The following HACD2 variants were observed in gnomAD, a reference collection of about 807,000 sequenced individuals.
HACD2 encodes the protein 3-hydroxyacyl-CoA dehydratase 2.
A neutral mutation model predicts 31.0 loss-of-function variants in HACD2; 15 were observed. The ratio of observed to expected loss-of-function variants is 0.48; its 90% CI spans 0.32 to 0.75. The LOEUF is 0.75. Among genes scored for constraint, HACD2 ranks in the 30% least tolerant of loss-of-function variants. The pLI is 0.03. For synonymous variants in HACD2, 115 were observed against 122.2 expected, an observed-to-expected ratio of 0.94 and a Z score of 0.39; for missense variants, 283 against 313.0, an observed-to-expected ratio of 0.90 and a Z score of 0.72.
intron 6 of HACD2, chr3:123,499,560 C>T (rs999217534): frequency 2.3e-6 from 1 of 442,978 alleles, no homozygotes; most frequent in African/African-American, 2.0e-5. Flanking sequence ...CACAGAGGGA[C>T]ACAAGCATGT....
Position 123,584,931 on chromosome 3 carries a change from CCTT to C in HACD2, c.94_96del (p.Lys32del), listed in dbSNP as rs1455448289. 33 of 1,530,158 alleles carry C rather than the reference CCTT, an allele frequency of 2.2e-5. No individual in the cohort carries two copies. The highest frequency in any genetic ancestry group is 2.9e-5 in the African/African-American group (2 of 70,018). The allele number at this position is 1,530,158 out of a possible 1,614,324, so 94.8% of individuals were successfully genotyped here. ...TACGCCGTGGCCAGGGGCCCCGGGC[CCTT>C]CTTCTTCCGCGTGCCGCTGGCGTCC... On this transcript the variant is annotated inframe_deletion, in exon 1 of 7. Transcript: ENST00000383657.
chr3:123,538,264 C>A (rs1270418317), intron 3 of HACD2, among the ~76,000 whole-genome samples: 1 of 152,110 alleles, frequency 6.6e-6, no homozygotes, highest in Non-Finnish European at 1.5e-5. Flanking sequence ...TGGGTTCCGA[C>A]AAAAGAAATT....
At chr3:123,502,503 G>A (rs1178961932) in intron 5 of HACD2, 57 bp downstream of exon 5, 2 of 1,567,546 alleles carry the variant, frequency 1.3e-6, no homozygotes, top group East Asian at 4.5e-5. Context: ...GGCAATAAAG[G>A]GCAAATTCAA....
intron 4 of HACD2, among the ~76,000 whole-genome samples, chr3:123,514,915 T>C (rs1410493734): frequency 1.3e-5 from 2 of 152,220 alleles, no homozygotes; most frequent in Non-Finnish European, 2.9e-5. Context: ...ATAAAGAACA[T>C]ATTCAGTTCT....
chr3:123,572,878 T>C (rs1007771817), intron 2 of HACD2, among the ~76,000 whole-genome samples: 1 of 152,038 alleles, frequency 6.6e-6, no homozygotes, highest in African/African-American at 2.4e-5. Flanking sequence ...GTCTTTCAAT[T>C]CAAAATTCCA....
chr3:123,582,387 G>T, intron 1 of HACD2, 58 bp from the exon 2 acceptor site: 1 of 1,197,650 alleles, frequency 8.3e-7, no homozygotes, highest in Non-Finnish European at 1.2e-6. Flanking sequence ...GTAGCATTTA[G>T]GTTAACACAC....
At position 123,584,970 on chromosome 3, in the gene HACD2, C is replaced by G. The variant is rs770404869; in HGVS notation, c.58G>C (p.Ala20Pro). Reference protein sequence around the residue: ...AKGNGGGGGRAGAGDASGTRK... With the variant: ...AKGNGGGGGRPGAGDASGTRK... ...GTGCCGCTGGCGTCCCCGGCCCCGG[C>G]CCTGCCACCGCCGCCCCCATTCCCC... The change falls in exon 1 of 7, where the codon GCC (alanine) becomes CCC (proline). Residue 20 changes from alanine (A) to proline (P), a missense_variant. Transcript: ENST00000383657. The G allele has an allele frequency of 1.3e-5, 20 of 1,486,014 alleles. No individual in the cohort carries two copies. The highest frequency in any genetic ancestry group is 2.1e-5 in the Admixed American group (1 of 48,300). 92.1% of individuals were successfully genotyped at this position (1,486,014 alleles called of 1,614,324 possible). A position where few individuals can be genotyped will look rare whatever the true frequency, so the allele number is the denominator to read the frequency against.
At chr3:123,516,359 C>T (rs562569959) in intron 4 of HACD2, among the ~76,000 whole-genome samples, 38 of 151,930 alleles carry the variant, frequency 2.5e-4, no homozygotes, top group South Asian at 2.5e-3. Flanking sequence ...CTCAGCCTCC[C>T]GAGTAGCTGG....
intron 3 of HACD2, among the ~76,000 whole-genome samples, chr3:123,566,733 C>A (rs2056796530): frequency 1.3e-5 from 2 of 152,110 alleles, no homozygotes; most frequent in African/African-American, 4.8e-5. Flanking sequence ...CCCATCTCTA[C>A]TAAAAATACA....
chr3:123,518,278 C>T (rs2056170922), intron 4 of HACD2, among the ~76,000 whole-genome samples: 2 of 152,110 alleles, frequency 1.3e-5, no homozygotes. Flanking sequence ...TAGATTTCTG[C>T]CTTTTCTCAA....
intron 1 of HACD2, chr3:123,584,520 C>G (rs1015688380): frequency 4.9e-6 from 1 of 204,254 alleles, no homozygotes; most frequent in Non-Finnish European, 9.7e-6. Flanking sequence ...ATCTGGCCGC[C>G]CAGGACGGGC....
At chr3:123,550,566 A>G (rs2056609506) in intron 3 of HACD2, among the ~76,000 whole-genome samples, 1 of 152,184 alleles carries the variant, frequency 6.6e-6, no homozygotes, top group Admixed American at 6.5e-5. Context: ...CAGAGGGCAA[A>G]TGGTGAAGAA....
chr3:123,522,629 T>A (rs2056231058), intron 4 of HACD2, among the ~76,000 whole-genome samples: 1 of 151,086 alleles, frequency 6.6e-6, no homozygotes, highest in South Asian at 2.1e-4. Context: ...GCCTCAAGTT[T>A]GACAGTGTCT....
intron 3 of HACD2, among the ~76,000 whole-genome samples, chr3:123,528,898 T>A (rs149017901): frequency 6.6e-6 from 1 of 152,236 alleles, no homozygotes; most frequent in African/African-American, 2.4e-5. Flanking sequence ...TGGAAGCTCA[T>A]GGACATCAGA....
At chr3:123,540,128 C>G (rs938828538) in intron 3 of HACD2, among the ~76,000 whole-genome samples, 1 of 150,442 alleles carries the variant, frequency 6.6e-6, no homozygotes, top group Non-Finnish European at 1.5e-5. Flanking sequence ...AATCCTGGTG[C>G]TTGGTTTTTT....
intron 4 of HACD2, among the ~76,000 whole-genome samples, chr3:123,514,870 T>G (rs1267703835): frequency 6.6e-6 from 1 of 152,206 alleles, no homozygotes; most frequent in Non-Finnish European, 1.5e-5. Context: ...ATGCATAAAT[T>G]TTCACCAGCT....
intron 3 of HACD2, among the ~76,000 whole-genome samples, chr3:123,566,600 A>G (rs1458023433): frequency 7.5e-6 from 1 of 133,380 alleles, no homozygotes; most frequent in Admixed American, 7.4e-5. Flanking sequence ...GCAATTCTTT[A>G]TAATAAGGTT....
chr3:123,545,750 C>T (rs1224684555), intron 3 of HACD2, among the ~76,000 whole-genome samples: 1 of 146,888 alleles, frequency 6.8e-6, no homozygotes, highest in African/African-American at 2.5e-5. Context: ...CTCCCTTTGT[C>T]GCTCAGGCTG....
intron 6 of HACD2, among the ~76,000 whole-genome samples, chr3:123,495,665 T>C (rs1196364451): frequency 6.6e-6 from 1 of 151,992 alleles, no homozygotes; most frequent in Non-Finnish European, 1.5e-5. Context: ...CTTCTGTTCT[T>C]GGTCATTTTG....
Sources: allele counts gnomAD v4.1 joint callset (sites outside exome capture counted in the v4.1 genomes callset), GRCh38; gene constraint gnomAD v4.1.1; transcripts MANE v1.5; gene names NCBI Gene and HGNC (gene_info 2026-07-23, HGNC 2026-07-21).